Variants in XKR6 observed in about 807,000 individuals in gnomAD.
XKR6 encodes XK related 6, also known as XK-related protein 6.
A neutral mutation model predicts 56.7 loss-of-function variants in XKR6; 22 were observed. That is an observed-to-expected ratio of 0.39 (90% CI 0.28 to 0.55). The LOEUF is 0.55. XKR6 is among the 20% of genes least tolerant of loss of function. The pLI, the probability that XKR6 is intolerant of heterozygous loss-of-function variation, is 0.66. For missense variants in XKR6, 852 were observed against 889.0 expected, an observed-to-expected ratio of 0.96 and a Z score of 0.53; for synonymous variants, 524 against 387.8, an observed-to-expected ratio of 1.35 and a Z score of -4.13.
intron 1 of XKR6, among the ~76,000 whole-genome samples, chr8:10,994,720 A>T (rs931523808): frequency 6.6e-6 from 1 of 152,218 alleles, no homozygotes; most frequent in African/African-American, 2.4e-5. Context: ...GAAGAAAAAA[A>T]ATACCCATTT....
Position 10,958,063 on chromosome 8 carries a change from G to A in XKR6, c.765-33233C>T, listed in dbSNP as rs150753734. Among the ~76,000 whole-genome samples, 12 of 152,350 alleles carry A rather than the reference G, an allele frequency of 7.9e-5. No individual in the cohort carries two copies. In the East Asian group the frequency reaches 2.1e-3, roughly 27 times the overall value. On this transcript the variant is annotated intron_variant, in intron 1 of 2. Transcript: ENST00000416569. ...CTACTTTAGTGTTGTGTGATCTTCA[G>A]TAAGTCACTTGCCCTCTCTGGGCCT...
intron 1 of XKR6, among the ~76,000 whole-genome samples, chr8:11,187,882 G>A (rs1178501341): frequency 6.6e-6 from 1 of 152,122 alleles, no homozygotes; most frequent in Non-Finnish European, 1.5e-5. Flanking sequence ...ATAAAATAAG[G>A]CCCCTACAAT....
chr8:11,149,138 G>A (rs907678167), intron 1 of XKR6, among the ~76,000 whole-genome samples: 2 of 152,150 alleles, frequency 1.3e-5, no homozygotes, highest in African/African-American at 2.4e-5. Context: ...TCAGGAGCCC[G>A]TGGGAGGTAC....
chr8:10,981,392 G>C (rs1025271422), intron 1 of XKR6, among the ~76,000 whole-genome samples: 3 of 152,190 alleles, frequency 2.0e-5, no homozygotes, highest in African/African-American at 7.2e-5. Flanking sequence ...AAGTAGAGGA[G>C]ATATTTCCAA....
chr8:11,195,135 G>A lies in XKR6; in HGVS notation c.764+5441C>T, dbSNP rs761087344. The A allele has an allele frequency of 1.3e-5, 9 of 703,112 alleles. No homozygotes were observed. The South Asian group carries it at 1.3e-4, about 10-fold the overall frequency. The allele number at this position is 703,112 out of a possible 1,614,324, so 43.6% of individuals were successfully genotyped here. A position where few individuals can be genotyped will look rare whatever the true frequency, so the allele number is the denominator to read the frequency against. On this transcript the variant is annotated intron_variant, in intron 1 of 2. Coordinates refer to ENST00000416569, the MANE Select transcript of XKR6 (RefSeq NM_173683.4). ...TTTCTGGATTTTTCAGATGGGAGGA[G>A]GGAGAAGGGAAGAAACCAGGTGAGG...
chr8:10,964,185 T>C (rs1360219136), intron 1 of XKR6, among the ~76,000 whole-genome samples: 1 of 152,134 alleles, frequency 6.6e-6, no homozygotes, highest in Non-Finnish European at 1.5e-5. Context: ...CTGCCTGAGC[T>C]TCTCCTGTAT....
chr8:10,977,911 C>G (rs1219888619), intron 1 of XKR6, among the ~76,000 whole-genome samples: 1 of 152,068 alleles, frequency 6.6e-6, no homozygotes, highest in East Asian at 1.9e-4. Context: ...ATCTTGGCAA[C>G]TGGTGGTGAT....
At position 10,898,160 on chromosome 8, in the gene XKR6, G is replaced by A. The variant is rs374671921; in HGVS notation, c.1718C>T (p.Pro573Leu). The A allele has an allele frequency of 1.3e-5, 21 of 1,614,034 alleles. No homozygotes were observed. Among genetic ancestry groups the A allele is most frequent in the East Asian group, 2.2e-5 (1 of 44,878 alleles). The change falls in exon 3 of 3, where the codon CCG (proline) becomes CTG (leucine). Residue 573 changes from proline to leucine, a missense_variant. Physicochemically the swap from Pro to Leu is moderately conservative, Grantham distance 98 (BLOSUM62 -3). Transcript: ENST00000416569. The surrounding 1 kb of genome is among the most constrained non-coding windows in gnomAD (Gnocchi z 6.6). ...FQVRPMGPPT[P>L]LGRPYLPEGP... is the part of the protein sequence containing the mutation. The stretch of plus-strand genomic sequence containing the variant: ...TTCTGGGAGGTAAGGACGCCCCAAC[G>A]GGGTAGGGGGCCCCATGGGTCTCAC...
At chr8:10,938,353 C>A (rs1477942297) in intron 1 of XKR6, among the ~76,000 whole-genome samples, 3 of 152,178 alleles carry the variant, frequency 2.0e-5, no homozygotes, top group African/African-American at 7.2e-5. Flanking sequence ...GCAGAAATCC[C>A]CCGTCTTCTG....
In XKR6 at chr8:11,201,296, G is replaced by C; in HGVS notation, c.44C>G (p.Ala15Gly). Residue 15 changes from alanine to glycine, a missense_variant, in exon 1 of 3, where the codon GCT becomes GGT. Around this residue, in one of 4 missense-constraint regions of XKR6, gnomAD observed 417 missense variants for 355.2 expected, o/e 1.17. Coordinates refer to ENST00000416569, the MANE Select transcript of XKR6 (RefSeq NM_173683.4). ...SDGGGVGVGFAQLHNLDEAVG... is the reference protein window; with the variant it reads ...SDGGGVGVGFGQLHNLDEAVG... ...CGCCTCGTCCAGGTTGTGCAGCTGA[G>C]CGAAGCCCACCCCCACGCCACCGCC... 1 of 1,575,486 alleles carries C rather than the reference G, an allele frequency of 6.3e-7. No individual in the cohort carries two copies. Among genetic ancestry groups the C allele is most frequent in the Non-Finnish European group, 8.5e-7 (1 of 1,170,130 alleles).
chr8:11,082,941 G>A (rs1283438227), intron 1 of XKR6, among the ~76,000 whole-genome samples: 3 of 152,186 alleles, frequency 2.0e-5, no homozygotes, highest in Non-Finnish European at 4.4e-5. Flanking sequence ...CGTCTTTATA[G>A]CTGCTGCGGC....
At chr8:11,002,051 G>A (rs1419279182) in intron 1 of XKR6, among the ~76,000 whole-genome samples, 4 of 145,428 alleles carry the variant, frequency 2.8e-5, no homozygotes, top group South Asian at 2.2e-4. Context: ...AATCCATGTC[G>A]TTACCATGTG....
chr8:11,200,527 G>A lies in XKR6; in HGVS notation c.764+49C>T, dbSNP rs1804153611. 2 of 1,407,270 alleles carry A rather than the reference G, an allele frequency of 1.4e-6. No individual in the cohort carries two copies. The highest frequency in any genetic ancestry group is 6.3e-5 in the Admixed American group (2 of 31,910). The allele number at this position is 1,407,270 out of a possible 1,614,324, so 87.2% of individuals were successfully genotyped here. ...CGCCCCGCGAAGCACCGGGAGGGCG[G>A]AGGGGGGCTCCTCAGGGCCGGCCCG... On this transcript the variant is annotated intron_variant, in intron 1 of 2. Transcript: ENST00000416569. The surrounding 1 kb of genome is among the most constrained non-coding windows in gnomAD (Gnocchi z 6.4).
At chr8:11,111,439 A>G (rs1049097221) in intron 1 of XKR6, among the ~76,000 whole-genome samples, 1 of 152,182 alleles carries the variant, frequency 6.6e-6, no homozygotes, top group Non-Finnish European at 1.5e-5. Context: ...ATTCTAATAC[A>G]GGCCATTCTG....
intron 1 of XKR6, 122 bp from the exon 2 acceptor site, chr8:10,924,952 TC>T: frequency 9.1e-7 from 1 of 1,096,502 alleles, no homozygotes. Context: ...GCTCTGAAGT[TC>T]CCAGAGGCTT....
intron 1 of XKR6, among the ~76,000 whole-genome samples, chr8:11,115,594 T>C (rs1374970342): frequency 6.6e-6 from 1 of 152,070 alleles, no homozygotes; most frequent in East Asian, 1.9e-4. Context: ...TGGTTCTACA[T>C]ATACCAATGA....
intron 1 of XKR6, chr8:11,104,672 C>G (rs1224720148): frequency 5.3e-5 from 8 of 152,160 alleles, no homozygotes; most frequent in Non-Finnish European, 1.2e-4. Context: ...AAAAATAATA[C>G]CAGTTATAAC....
intron 1 of XKR6, among the ~76,000 whole-genome samples, chr8:11,177,483 G>A (rs1802719141): frequency 6.6e-6 from 1 of 152,168 alleles, no homozygotes; most frequent in South Asian, 2.1e-4. Flanking sequence ...ATAGATGGAA[G>A]TCCTAACCCC....
At chr8:10,991,140 G>A (rs947357593) in intron 1 of XKR6, among the ~76,000 whole-genome samples, 3 of 152,064 alleles carry the variant, frequency 2.0e-5, no homozygotes, top group East Asian at 1.9e-4. Context: ...CTGACCTCAG[G>A]TGATCCACCT....
Sources: allele counts gnomAD v4.1 joint callset (sites outside exome capture counted in the v4.1 genomes callset), GRCh38; gene constraint gnomAD v4.1.1; regional missense constraint gnomAD v4.1.1; non-coding constraint Gnocchi (gnomAD v3.1); transcripts MANE v1.5; gene names NCBI Gene and HGNC (gene_info 2026-07-23, HGNC 2026-07-21).